PCNX2: variants seen among roughly 807,000 people sequenced by gnomAD.
The protein encoded by PCNX2 is pecanex-like protein 2.
In PCNX2, 168 loss-of-function variants were observed where a neutral mutation model predicts 223.8. The observed-to-expected ratio is 0.75, with a 90% CI of 0.66 to 0.85. PCNX2 has a LOEUF of 0.85. PCNX2 is among the 40% of genes least tolerant of loss of function. PCNX2 has a pLI of 0.00. For synonymous variants in PCNX2, 1,006 were observed against 1,052.6 expected, an observed-to-expected ratio of 0.96 and a Z score of 0.86; for missense variants, 2,507 against 2,675.5, an observed-to-expected ratio of 0.94 and a Z score of 1.39.
intron 24 of PCNX2, among the ~76,000 whole-genome samples, chr1:233,056,500 C>T (rs571420790): frequency 1.3e-5 from 2 of 152,340 alleles, no homozygotes; most frequent in Non-Finnish European, 2.9e-5. Context: ...TCAGAGATAT[C>T]AGTACCTCTC....
chr1:233,004,396 C>T (rs1481333886), intron 28 of PCNX2, among the ~76,000 whole-genome samples: 2 of 151,930 alleles, frequency 1.3e-5, no homozygotes. Flanking sequence ...TTTGGATGAA[C>T]CTGGGGAGTA....
chr1:233,057,799 G>T (rs1468936151), intron 23 of PCNX2: 1 of 843,082 alleles, frequency 1.2e-6, no homozygotes, highest in Non-Finnish European at 1.4e-6. Flanking sequence ...GGCCGAGGTC[G>T]CAGTGAGCCG....
At chr1:233,256,957 G>A (rs1338057423) in intron 5 of PCNX2, among the ~76,000 whole-genome samples, 2 of 152,130 alleles carry the variant, frequency 1.3e-5, no homozygotes, top group African/African-American at 4.8e-5. Flanking sequence ...GCTACCATAT[G>A]CAAACACAAC....
At chr1:233,275,529 G>T (rs906856011) in intron 1 of PCNX2, among the ~76,000 whole-genome samples, 2 of 152,114 alleles carry the variant, frequency 1.3e-5, no homozygotes, top group African/African-American at 4.8e-5. Context: ...CTTATAAGGT[G>T]ATACTGAAAG....
intron 23 of PCNX2, among the ~76,000 whole-genome samples, chr1:233,075,738 C>A (rs1392723025): frequency 2.0e-5 from 3 of 147,942 alleles, no homozygotes; most frequent in Admixed American, 6.7e-5. Flanking sequence ...CACACACACA[C>A]AACAGAAAAG....
the PCNX2 span, among the ~76,000 whole-genome samples, chr1:233,326,571 G>C: frequency 6.6e-6 from 1 of 151,992 alleles, no homozygotes; most frequent in African/African-American, 2.4e-5. Flanking sequence ...ACTTGCTCAA[G>C]GTCACACAGC....
rs766446002 is a variant in PCNX2, at chr1:233,236,991, GC to G, written c.2223-12del. 1 of 1,613,382 alleles carries G rather than the reference GC, an allele frequency of 6.2e-7. No individual in the cohort carries two copies. Among genetic ancestry groups the G allele is most frequent in the Non-Finnish European group, 8.5e-7 (1 of 1,179,678 alleles). ...CTGACCTGCATCTCTCTGAGGATGG[GC>G]AAAACAAAAGCTTTGGTTACCTGGT... On this transcript the variant is annotated splice_polypyrimidine_tract_variant and intron_variant, in intron 8 of 33. Coordinates refer to ENST00000258229, the MANE Select transcript of PCNX2 (RefSeq NM_014801.4).
At chr1:233,234,889 T>C (rs1445154774) in intron 9 of PCNX2, among the ~76,000 whole-genome samples, 1 of 152,036 alleles carries the variant, frequency 6.6e-6, no homozygotes, top group Non-Finnish European at 1.5e-5. Context: ...AACTACATAC[T>C]GGCAGCTGGG....
intron 13 of PCNX2, 97 bp downstream of exon 13, chr1:233,208,421 C>A: frequency 7.5e-7 from 1 of 1,330,122 alleles, no homozygotes; most frequent in Non-Finnish European, 1.0e-6. Flanking sequence ...ATCTCTTCAC[C>A]CAATAATCAA....
Position 233,295,450 on chromosome 1 carries a change from C to G in PCNX2, c.29G>C (p.Arg10Pro). The G allele has an allele frequency of 6.4e-7, 1 of 1,550,932 alleles. No individual in the cohort carries two copies. Among genetic ancestry groups the G allele is most frequent in the African/African-American group, 1.4e-5 (1 of 73,172 alleles). The change falls in exon 1 of 34, where the codon CGG becomes CCG. Residue 10 changes from arginine to proline, a missense_variant. By Grantham distance (103) the Arg-to-Pro change is moderately radical. Transcript: ENST00000258229. This position sits in a 1 kb window ranked among gnomAD's most constrained non-coding sequence, Gnocchi z 4.1. Reference protein sequence around the residue: MVSQVLQLLRQGVWAALTGG... With the variant: MVSQVLQLLPQGVWAALTGG... Reference sequence around the variant, plus strand: ...GGTGAGCGCGGCCCACACGCCCTGCCGGAGCAGCTGCAGCACCTGGGACAC... The same window carrying G: ...GGTGAGCGCGGCCCACACGCCCTGCGGGAGCAGCTGCAGCACCTGGGACAC...
intron 15 of PCNX2, among the ~76,000 whole-genome samples, chr1:233,187,871 A>C (rs1244444442): frequency 6.6e-6 from 1 of 152,198 alleles, no homozygotes. Context: ...TAGAAATGAT[A>C]CAATTCTAGC....
intron 9 of PCNX2, among the ~76,000 whole-genome samples, chr1:233,230,773 T>C (rs1658015265): frequency 6.6e-6 from 1 of 152,226 alleles, no homozygotes. Flanking sequence ...CCAGTGTTCA[T>C]TTAATGAATT....
chr1:233,042,067 T>C (rs1410663805), intron 25 of PCNX2, among the ~76,000 whole-genome samples: 1 of 152,260 alleles, frequency 6.6e-6, no homozygotes, highest in Admixed American at 6.5e-5. Context: ...TATTTCATTA[T>C]GTATAGGCAA....
chr1:233,176,503 G>A (rs1679484303), intron 17 of PCNX2, among the ~76,000 whole-genome samples: 1 of 152,194 alleles, frequency 6.6e-6, no homozygotes, highest in African/African-American at 2.4e-5. Flanking sequence ...GTGCTTAGGG[G>A]AGAAGATGTG....
intron 25 of PCNX2, among the ~76,000 whole-genome samples, chr1:233,048,533 T>C (rs1056062961): frequency 5.8e-4 from 89 of 152,334 alleles, no homozygotes; most frequent in African/African-American, 2.0e-3. Context: ...GAAAAGTTCA[T>C]AGTGCTAAAT....
intron 21 of PCNX2, among the ~76,000 whole-genome samples, chr1:233,127,782 G>A (rs923858938): frequency 8.5e-5 from 13 of 152,294 alleles, no homozygotes; most frequent in African/African-American, 3.1e-4. Flanking sequence ...AAAGTGTTCA[G>A]AACAGTTCCT....
intron 28 of PCNX2, among the ~76,000 whole-genome samples, chr1:233,008,575 A>G (rs1190972627): frequency 1.3e-5 from 2 of 152,140 alleles, no homozygotes; most frequent in South Asian, 2.1e-4. Flanking sequence ...TCTGCAGACA[A>G]TGGGTGCCTG....
Position 232,986,485 on chromosome 1 carries a change from C to T in PCNX2, c.5847G>A (p.Arg1949=). ...GGCCAGATGAGCTCAGCATGGGCGG[C>T]CTTTGGCTTAGCGCTGAGTGTGCCT... The part of the protein sequence containing the change: ...SVQAHSALSQ[R]PPMLSSSGPI... The change falls in exon 33 of 34, where the codon AGG becomes AGA. Residue 1949 remains arginine (R), a synonymous_variant. Coordinates refer to ENST00000258229, the MANE Select transcript of PCNX2 (RefSeq NM_014801.4). The T allele has an allele frequency of 6.3e-7, 1 of 1,593,006 alleles. No individual in the cohort carries two copies.
At position 233,263,085 on chromosome 1, in the gene PCNX2, T is replaced by C. The variant is rs1660143140; in HGVS notation, c.232A>G (p.Ser78Gly). ...TIFFTIIKLVSYRLHLMFDKG... is the reference protein window; with the variant it reads ...TIFFTIIKLVGYRLHLMFDKG... ...TCAAACATGAGGTGTAGGCGATAAC[T>C]GACCAGTTTGATTATTGTGAAGAAT... Residue 78 changes from serine (S) to glycine (G), a missense_variant, in exon 2 of 34, where the codon AGT becomes GGT. Ser to Gly is a moderately conservative substitution (Grantham distance 56, BLOSUM62 0). Around this residue, in one of 3 missense-constraint regions of PCNX2, gnomAD observed 1,031 missense variants for 1,021.7 expected, o/e 1.01. Coordinates refer to ENST00000258229, the MANE Select transcript of PCNX2 (RefSeq NM_014801.4). 1.2e-6 allele frequency: 2 copies of C among 1,613,310 alleles called. No individual in the cohort carries two copies. Among genetic ancestry groups the C allele is most frequent in the African/African-American group, 2.7e-5 (2 of 74,920 alleles).
Sources: allele counts gnomAD v4.1 joint callset (sites outside exome capture counted in the v4.1 genomes callset), GRCh38; gene constraint gnomAD v4.1.1; regional missense constraint gnomAD v4.1.1; non-coding constraint Gnocchi (gnomAD v3.1); transcripts MANE v1.5; gene names NCBI Gene and HGNC (gene_info 2026-07-23, HGNC 2026-07-21).